The following KDM2B variants were observed in gnomAD, a reference collection of about 807,000 sequenced individuals.
KDM2B encodes the protein lysine demethylase 2B.
KDM2B carries 26 observed loss-of-function variants against 150.0 expected under a neutral mutation model. The ratio of observed to expected loss-of-function variants is 0.17; its 90% CI spans 0.13 to 0.24. The LOEUF (loss-of-function observed/expected upper bound fraction) is 0.24, where lower values mean the gene tolerates loss of function less well. Ranked by LOEUF, KDM2B falls within the 10% of genes least tolerant of loss-of-function variation. The pLI is 1.00. For synonymous variants in KDM2B, 734 were observed against 729.5 expected (o/e 1.01, Z -0.10); for missense variants, 1,265 against 1,816.9 (o/e 0.70, Z 5.52).
intron 4 of KDM2B, among the ~76,000 whole-genome samples, chr12:121,551,058 C>T (rs782593196): frequency 6.6e-5 from 10 of 152,084 alleles, no homozygotes; most frequent in Non-Finnish European, 1.3e-4. Context: ...AGTATTTACT[C>T]TCTGGCACTT....
intron 11 of KDM2B, among the ~76,000 whole-genome samples, chr12:121,505,553 A>G (rs543039602): frequency 6.6e-6 from 1 of 152,124 alleles, no homozygotes; most frequent in South Asian, 2.1e-4. Context: ...TAAAAACAAC[A>G]ACAAAATCAC....
chr12:121,577,233 C>T (rs1396662806), intron 2 of KDM2B, among the ~76,000 whole-genome samples: 1 of 149,020 alleles, frequency 6.7e-6, no homozygotes, highest in East Asian at 2.0e-4. Flanking sequence ...GGCACCCCAT[C>T]CCCCAGGGTC....
At chr12:121,465,624 G>A (rs1555294611) in intron 12 of KDM2B, among the ~76,000 whole-genome samples, 1 of 152,132 alleles carries the variant, frequency 6.6e-6, no homozygotes, top group Admixed American at 6.6e-5. Context: ...GTCTTGCAGT[G>A]TCAAAGATTG....
chr12:121,557,606 T>A (rs943541887), intron 4 of KDM2B, among the ~76,000 whole-genome samples: 12 of 151,964 alleles, frequency 7.9e-5, no homozygotes, highest in African/African-American at 2.9e-4. Context: ...GAGGCAGAGA[T>A]CAGAGTGACG....
At chr12:121,487,641 C>T (rs552632177) in intron 12 of KDM2B, among the ~76,000 whole-genome samples, 1 of 152,242 alleles carries the variant, frequency 6.6e-6, no homozygotes. Context: ...CCTTTGACAC[C>T]CTCTCCTCCT....
intron 4 of KDM2B, among the ~76,000 whole-genome samples, chr12:121,570,914 C>A (rs1891042049): frequency 6.6e-6 from 1 of 152,096 alleles, no homozygotes; most frequent in Non-Finnish European, 1.5e-5. Flanking sequence ...GTAGAAACAA[C>A]CAAAATGTCC....
rs1889310956 is a variant in KDM2B at position 121,549,374 on chromosome 12, T to C, written c.576+86A>G. 7.6e-7 allele frequency: 1 copy of C among 1,313,894 alleles called. No homozygotes were observed. Among genetic ancestry groups the C allele is most frequent in the East Asian group, 2.4e-5 (1 of 42,490 alleles). 81.4% of individuals were successfully genotyped at this position (1,313,894 alleles called of 1,614,324 possible). On this transcript the variant is annotated intron_variant, in intron 5 of 22. Transcript: ENST00000377071. The surrounding 1 kb of genome is among the most constrained non-coding windows in gnomAD (Gnocchi z 4.4). ...CCAGCCACACCCACATGAGCCTTTT[T>C]GCAAGGCACAACCCAGGTGGCAGGG...
intron 6 of KDM2B, among the ~76,000 whole-genome samples, chr12:121,542,224 A>AG (rs1888661351): frequency 6.6e-6 from 1 of 152,238 alleles, no homozygotes; most frequent in Non-Finnish European, 1.5e-5. Context: ...CAAGGAACTG[A>AG]GGCCTCCTGC....
rs782703641 is a variant in KDM2B, at chr12:121,509,901, G to A, written c.1313C>T (p.Pro438Leu). ...GGGTGAAGTGGAGCCATCGGTGGGC[G>A]GTTTGGGTGCCCTGTCCCTGCCCTC... Reference protein sequence around the residue: ...EGEGRDRAPKPPTDGSTSPTS... With the variant: ...EGEGRDRAPKLPTDGSTSPTS... Residue 438 changes from proline (P) to leucine (L), a missense_variant, in exon 11 of 23, where the codon CCG becomes CTG. Pro to Leu is a moderately conservative substitution (Grantham distance 98). This residue lies in a region of KDM2B where 154 missense variants were observed against 162.5 expected (regional missense o/e 0.95). Transcript: ENST00000377071. 43 of 1,613,454 alleles carry A rather than the reference G, an allele frequency of 2.7e-5. No homozygotes were observed. The Admixed American group carries it at 2.8e-4, about 11-fold the overall frequency.
intron 12 of KDM2B, among the ~76,000 whole-genome samples, chr12:121,461,286 G>T (rs111402068): frequency 3.3e-4 from 51 of 152,292 alleles, no homozygotes; most frequent in Admixed American, 7.2e-4. Flanking sequence ...ACAGCTGCTG[G>T]AAAACAGCTC....
intron 12 of KDM2B, among the ~76,000 whole-genome samples, chr12:121,491,887 G>A (rs180912465): frequency 7.0e-4 from 107 of 152,198 alleles, no homozygotes; most frequent in Admixed American, 5.1e-3. Context: ...GGTAAGTCAG[G>A]CACTGTGGCT....
intron 4 of KDM2B, among the ~76,000 whole-genome samples, chr12:121,550,996 A>G (rs1316719267): frequency 1.3e-5 from 2 of 152,112 alleles, no homozygotes; most frequent in Admixed American, 6.5e-5. Flanking sequence ...GCTCCGTGCG[A>G]CAATGGCAGA....
downstream of KDM2B, chr12:121,424,167 A>AT (rs1451814729): frequency 2.0e-5 from 3 of 152,842 alleles, no homozygotes; most frequent in East Asian, 1.9e-4. Flanking sequence ...CCACATGTCC[A>AT]TTTTTGTTCA....
chr12:121,485,385 G>A lies in KDM2B; in HGVS notation c.1734+9194C>T, dbSNP rs185031921. ...AGTCGCCCTGTAAATTCAACACCTA[G>A]GGGCCATCCCTGACACCTCCCCTCA... On this transcript the variant is annotated intron_variant, in intron 12 of 22. Coordinates refer to ENST00000377071, the MANE Select transcript of KDM2B (RefSeq NM_032590.5). Among the ~76,000 whole-genome samples, 997 of 152,132 alleles carry A rather than the reference G, an allele frequency of 6.6e-3. 7 individuals are homozygous for A. Among genetic ancestry groups the A allele is most frequent in the African/African-American group, 0.023 (962 of 41,490 alleles).
intron 12 of KDM2B, among the ~76,000 whole-genome samples, chr12:121,457,917 G>C (rs1878515330): frequency 6.6e-6 from 1 of 152,166 alleles, no homozygotes. Context: ...ACCAGAAAAT[G>C]CATGGACAGA....
intron 2 of KDM2B, 40 bp downstream of exon 2, chr12:121,578,762 C>A (rs1173101458): frequency 1.4e-6 from 2 of 1,411,724 alleles, no homozygotes; most frequent in Non-Finnish European, 1.9e-6. Context: ...GTGCGCTCGG[C>A]CCGCAGCGCA....
chr12:121,457,020 C>CT (rs1555292927), intron 12 of KDM2B, among the ~76,000 whole-genome samples: 1 of 152,158 alleles, frequency 6.6e-6, no homozygotes, highest in Non-Finnish European at 1.5e-5. Flanking sequence ...ATGAAGCCCA[C>CT]TGAAAAACCC....
the KDM2B span, among the ~76,000 whole-genome samples, chr12:121,413,871 G>A: frequency 2.6e-5 from 4 of 151,938 alleles, no homozygotes; most frequent in Non-Finnish European, 4.4e-5. Context: ...CACCGCGCCC[G>A]GCTTCACCTG....
At position 121,443,804 on chromosome 12, in the gene KDM2B, G is replaced by A. The variant is rs1174096478; in HGVS notation, c.2452-11C>T. The A allele has an allele frequency of 2.0e-6, 3 of 1,532,440 alleles. No individual in the cohort carries two copies. Among genetic ancestry groups the A allele is most frequent in the Admixed American group, 1.8e-5 (1 of 56,672 alleles). 94.9% of individuals were successfully genotyped at this position (1,532,440 alleles called of 1,614,324 possible). A position where few individuals can be genotyped will look rare whatever the true frequency, so the allele number is the denominator to read the frequency against. ...TTGAAGCGATGAGGCCTAAAGGGGG[G>A]TGGAGTGGGAAGAGGAGTGACTCGC... On this transcript the variant is annotated splice_polypyrimidine_tract_variant and intron_variant, in intron 16 of 22. Coordinates refer to ENST00000377071, the MANE Select transcript of KDM2B (RefSeq NM_032590.5).
Sources: allele counts gnomAD v4.1 joint callset (sites outside exome capture counted in the v4.1 genomes callset), GRCh38; gene constraint gnomAD v4.1.1; regional missense constraint gnomAD v4.1.1; non-coding constraint Gnocchi (gnomAD v3.1); transcripts MANE v1.5; gene names NCBI Gene and HGNC (gene_info 2026-07-23, HGNC 2026-07-21).